ZIC2: variants seen among roughly 807,000 people sequenced by gnomAD.
ZIC2 encodes zinc finger protein ZIC 2.
In ZIC2, 7 loss-of-function variants were observed where a neutral mutation model predicts 29.5. That is an observed-to-expected ratio of 0.24 (90% CI 0.14 to 0.45). The LOEUF (loss-of-function observed/expected upper bound fraction) is 0.45. Ranked by LOEUF, ZIC2 falls within the 20% of genes least tolerant of loss-of-function variation. The pLI, the probability that ZIC2 is intolerant of heterozygous loss-of-function variation, is 1.00. For synonymous variants in ZIC2, 408 were observed against 354.2 expected (o/e 1.15, Z -1.70); for missense variants, 589 against 781.2 (o/e 0.75, Z 2.93).
Position 99,982,589 on chromosome 13 carries a change from C to T in ZIC2, c.525C>T (p.Leu175=), listed in dbSNP as rs1055955813. The T allele has an allele frequency of 1.9e-6, 3 of 1,574,744 alleles. No individual in the cohort carries two copies. In the African/African-American group the frequency reaches 4.0e-5, roughly 21 times the overall value. ...QHGPHGSQNV[L]NGQMRLGLPG... Reference sequence around the variant, plus strand: ...GGCCGCACGGCTCGCAGAATGTGCTCAACGGGCAGATGCGCCTCGGGCTGC... The same window carrying T: ...GGCCGCACGGCTCGCAGAATGTGCTTAACGGGCAGATGCGCCTCGGGCTGC... Residue 175 remains leucine, a synonymous_variant, in exon 1 of 3, where the codon CTC becomes CTT. Coordinates refer to ENST00000376335, the MANE Select transcript of ZIC2 (RefSeq NM_007129.5).
chr13:99,983,904 A>G lies in ZIC2; in HGVS notation c.1075+765A>G, dbSNP rs1193532971. 1.3e-5 allele frequency among the ~76,000 whole-genome samples: 2 copies of G among 152,204 alleles called. No individual in the cohort carries two copies. Among genetic ancestry groups the G allele is most frequent in the Non-Finnish European group, 2.9e-5 (2 of 68,034 alleles). ...CCTCATAGATTATTCATCTATGACC[A>G]GGTCTCAGCCAAAATCGTGCCAGAC... On this transcript the variant is annotated intron_variant, in intron 1 of 2. Transcript: ENST00000376335. The surrounding 1 kb of genome is among the most constrained non-coding windows in gnomAD (Gnocchi z 4.7).
Position 99,982,268 on chromosome 13 carries a change from G to C in ZIC2, c.204G>C (p.Glu68Asp). The C allele has an allele frequency of 1.3e-6, 2 of 1,501,610 alleles. No individual in the cohort carries two copies. The highest frequency in any genetic ancestry group is 1.8e-6 in the Non-Finnish European group (2 of 1,130,542). The allele number at this position is 1,501,610 out of a possible 1,614,324, so 93.0% of individuals were successfully genotyped here. A position where few individuals can be genotyped will look rare whatever the true frequency, so the allele number is the denominator to read the frequency against. The change falls in exon 1 of 3, where the codon GAG becomes GAC. Residue 68 changes from glutamate to aspartate, a missense_variant. Physicochemically the swap from Glu to Asp is conservative, Grantham distance 45. Transcript: ENST00000376335. ...GAFKLNPGAH[E>D]LSPGQSSAFT... The stretch of plus-strand genomic sequence containing the variant: ...TCAAGCTCAACCCGGGCGCGCACGA[G>C]CTGTCCCCGGGCCAGAGCTCGGCGT...
In ZIC2 at chr13:99,982,262, G is replaced by A. The variant is rs1391772533; in HGVS notation, c.198G>A (p.Ala66=). The A allele has an allele frequency of 1.3e-6, 2 of 1,505,252 alleles. No individual in the cohort carries two copies. The highest frequency in any genetic ancestry group is 8.8e-7 in the Non-Finnish European group (1 of 1,132,598). The allele number at this position is 1,505,252 out of a possible 1,614,324, so 93.2% of individuals were successfully genotyped here. The change falls in exon 1 of 3, where the codon GCG becomes GCA. Residue 66 remains alanine, a synonymous_variant. Transcript: ENST00000376335. ...GAGCCTTCAAGCTCAACCCGGGCGCGCACGAGCTGTCCCCGGGCCAGAGCT... is the reference window on the plus strand; with the variant it reads ...GAGCCTTCAAGCTCAACCCGGGCGCACACGAGCTGTCCCCGGGCCAGAGCT... ...HMGAFKLNPG[A]HELSPGQSSA... is the part of the protein sequence containing the mutation.
chr13:99,982,276 C>T lies in ZIC2; in HGVS notation c.212C>T (p.Pro71Leu). The T allele has an allele frequency of 2.0e-6, 3 of 1,495,184 alleles. No homozygotes were observed. The highest frequency in any genetic ancestry group is 2.7e-6 in the Non-Finnish European group (3 of 1,126,742). The allele number at this position is 1,495,184 out of a possible 1,614,324, so 92.6% of individuals were successfully genotyped here. The change falls in exon 1 of 3, where the codon CCG (proline) becomes CTG (leucine). Residue 71 changes from proline to leucine, a missense_variant. By Grantham distance (98) the Pro-to-Leu change is moderately conservative. Transcript: ENST00000376335. ...KLNPGAHELS[P>L]GQSSAFTSQG... ...AACCCGGGCGCGCACGAGCTGTCCCCGGGCCAGAGCTCGGCGTTCACGTCG... is the reference window on the plus strand; with the variant it reads ...AACCCGGGCGCGCACGAGCTGTCCCTGGGCCAGAGCTCGGCGTTCACGTCG...
rs757712884 is a variant in ZIC2, at chr13:99,985,140, G to T, written c.1239+31G>T. ...ACCGCGGCGGCCGGGAGGAGGGCGA[G>T]GCAGGCCGAGGCGCCGGTGCAGCAC... On this transcript the variant is annotated intron_variant, in intron 2 of 2. Transcript: ENST00000376335. The surrounding 1 kb of genome is among the most constrained non-coding windows in gnomAD (Gnocchi z 6.3). 1 of 1,613,342 alleles carries T rather than the reference G, an allele frequency of 6.2e-7. No individual in the cohort carries two copies. Among genetic ancestry groups the T allele is most frequent in the South Asian group, 1.1e-5 (1 of 91,060 alleles).
rs1208873148 is a variant in ZIC2 at position 99,984,961 on chromosome 13, A to G, written c.1091A>G (p.Gln364Arg). The stretch of plus-strand genomic sequence containing the variant: ...CCGTCCACAGGGGAGAAGCCGTTCC[A>G]GTGTGAGTTTGAGGGCTGCGACCGG... ...KRTHTGEKPF[Q>R]CEFEGCDRRF... Residue 364 changes from glutamine (Q) to arginine (R), a missense_variant, in exon 2 of 3, where the codon CAG becomes CGG. Gln to Arg is a conservative substitution (Grantham distance 43). This residue lies in a region of ZIC2 where 33 missense variants were observed against 106.0 expected (regional missense o/e 0.31). Coordinates refer to ENST00000376335, the MANE Select transcript of ZIC2 (RefSeq NM_007129.5). 1.2e-6 allele frequency: 2 copies of G among 1,613,932 alleles called. No homozygotes were observed. The highest frequency in any genetic ancestry group is 1.7e-6 in the Non-Finnish European group (2 of 1,179,962).
chr13:99,981,883 C>G lies in ZIC2; in HGVS notation c.-182C>G, dbSNP rs1228078695. 4 of 1,210,950 alleles carry G rather than the reference C, an allele frequency of 3.3e-6. No individual in the cohort carries two copies. The highest frequency in any genetic ancestry group is 3.2e-6 in the Non-Finnish European group (3 of 935,344). The allele number at this position is 1,210,950 out of a possible 1,614,324, so 75.0% of individuals were successfully genotyped here. A position where few individuals can be genotyped will look rare whatever the true frequency, so the allele number is the denominator to read the frequency against. The stretch of plus-strand genomic sequence containing the variant: ...TCGCTACGCGCCCGGCCGCCCGAGG[C>G]AGATCCAGGCGGCGGCGGAGGCGGC... On this transcript the variant is annotated 5_prime_UTR_variant, in exon 1 of 3. Coordinates refer to ENST00000376335, the MANE Select transcript of ZIC2 (RefSeq NM_007129.5).
chr13:99,985,199 C>A lies in ZIC2; in HGVS notation c.1239+90C>A. The A allele has an allele frequency of 1.2e-6, 2 of 1,606,304 alleles. No homozygotes were observed. Among genetic ancestry groups the A allele is most frequent in the Non-Finnish European group, 1.7e-6 (2 of 1,175,780 alleles). On this transcript the variant is annotated intron_variant, in intron 2 of 2. Transcript: ENST00000376335. This position sits in a 1 kb window ranked among gnomAD's most constrained non-coding sequence, Gnocchi z 6.3. ...ACCACCTCAGCCGGCCTGGGAGGGTCCCCAGGGGCCAGGGCGGCGGGGGGA... is the reference window on the plus strand; with the variant it reads ...ACCACCTCAGCCGGCCTGGGAGGGTACCCAGGGGCCAGGGCGGCGGGGGGA...
Position 99,985,457 on chromosome 13 carries a change from G to GGCA in ZIC2, c.1377_1379dup (p.Ala470dup). 7.2e-7 allele frequency: 1 copy of GGCA among 1,386,428 alleles called. No individual in the cohort carries two copies. 85.9% of individuals were successfully genotyped at this position (1,386,428 alleles called of 1,614,324 possible). The stretch of plus-strand genomic sequence containing the variant: ...GCTCCAACCTGTCCCCAGCGGCGGC[G>GGCA]GCAGCGGCGGCGGCGGCTGCGGCGG... On this transcript the variant is annotated inframe_insertion, in exon 3 of 3. Transcript: ENST00000376335. The surrounding 1 kb of genome is among the most constrained non-coding windows in gnomAD (Gnocchi z 6.3).
In ZIC2 at chr13:99,982,012, GT is replaced by G. The variant is rs2053235589; in HGVS notation, c.-52del. On this transcript the variant is annotated 5_prime_UTR_variant, in exon 1 of 3. Coordinates refer to ENST00000376335, the MANE Select transcript of ZIC2 (RefSeq NM_007129.5). ...CGCACCGCGCGGATCGGGAGCGGGAGTCGAGGCGGCGCGGAGGCGCAGGGCT... is the reference window on the plus strand; with the variant it reads ...CGCACCGCGCGGATCGGGAGCGGGAGCGAGGCGGCGCGGAGGCGCAGGGCT... The G allele has an allele frequency of 2.5e-6, 3 of 1,212,576 alleles. No homozygotes were observed. Among genetic ancestry groups the G allele is most frequent in the Non-Finnish European group, 3.1e-6 (3 of 977,250 alleles). 75.1% of individuals were successfully genotyped at this position (1,212,576 alleles called of 1,614,324 possible).
Position 99,983,697 on chromosome 13 carries a change from C to T in ZIC2, c.1075+558C>T, listed in dbSNP as rs2053248018. ...TTTTAAAGCCCGTCTCGGGGTGGGTCGCGGGGGCTTTACTGTGGTTTCGCA... is the reference window on the plus strand; with the variant it reads ...TTTTAAAGCCCGTCTCGGGGTGGGTTGCGGGGGCTTTACTGTGGTTTCGCA... On this transcript the variant is annotated intron_variant, in intron 1 of 2. Transcript: ENST00000376335. This position sits in a 1 kb window ranked among gnomAD's most constrained non-coding sequence, Gnocchi z 4.7. Among the ~76,000 whole-genome samples, 1 of 152,046 alleles carries T rather than the reference C, an allele frequency of 6.6e-6. No homozygotes were observed. The highest frequency in any genetic ancestry group is 1.5e-5 in the Non-Finnish European group (1 of 68,014).
In ZIC2 at chr13:99,985,217, C is replaced by T. The variant is rs1038743512; in HGVS notation, c.1240-106C>T. 3.7e-6 allele frequency: 6 copies of T among 1,602,384 alleles called. No homozygotes were observed. The highest frequency in any genetic ancestry group is 1.7e-5 in the Admixed American group (1 of 59,010). ...GGAGGGTCCCCAGGGGCCAGGGCGG[C>T]GGGGGGAACATTTCTGGGGGTGCTC... is the stretch of plus-strand genomic sequence containing the variant. On this transcript the variant is annotated intron_variant, in intron 2 of 2. Transcript: ENST00000376335. This position sits in a 1 kb window ranked among gnomAD's most constrained non-coding sequence, Gnocchi z 6.3.
rs2053254888 is a variant in ZIC2, at chr13:99,984,800, C to T, written c.1076-146C>T. On this transcript the variant is annotated intron_variant, in intron 1 of 2. Transcript: ENST00000376335. ...GAAGGCGGTTAATTTGATCTTAGTTCTGCCGCAGAGGGGATCGGACTGGTT... is the reference window on the plus strand; with the variant it reads ...GAAGGCGGTTAATTTGATCTTAGTTTTGCCGCAGAGGGGATCGGACTGGTT... 1.1e-5 allele frequency: 10 copies of T among 873,988 alleles called. No homozygotes were observed. In the South Asian group the frequency reaches 1.5e-4, roughly 13 times the overall value. 54.1% of individuals were successfully genotyped at this position (873,988 alleles called of 1,614,324 possible).
chr13:99,981,882 G>A lies in ZIC2; in HGVS notation c.-183G>A. The A allele has an allele frequency of 2.5e-6, 3 of 1,204,836 alleles. No individual in the cohort carries two copies. Among genetic ancestry groups the A allele is most frequent in the Non-Finnish European group, 3.2e-6 (3 of 929,932 alleles). The allele number at this position is 1,204,836 out of a possible 1,614,324, so 74.6% of individuals were successfully genotyped here. ...TTCGCTACGCGCCCGGCCGCCCGAG[G>A]CAGATCCAGGCGGCGGCGGAGGCGG... On this transcript the variant is annotated 5_prime_UTR_variant, in exon 1 of 3. Transcript: ENST00000376335.
In ZIC2 at chr13:99,982,585, T is replaced by C. The variant is rs761882984; in HGVS notation, c.521T>C (p.Val174Ala). ...EQHGPHGSQN[V>A]LNGQMRLGLP... ...CACGGGCCGCACGGCTCGCAGAATG[T>C]GCTCAACGGGCAGATGCGCCTCGGG... Residue 174 changes from valine (V) to alanine (A), a missense_variant, in exon 1 of 3, where the codon GTG (valine) becomes GCG (alanine). Physicochemically the swap from Val to Ala is moderately conservative, Grantham distance 64 (BLOSUM62 0). Transcript: ENST00000376335. The C allele has an allele frequency of 6.4e-7, 1 of 1,572,346 alleles. No homozygotes were observed. Among genetic ancestry groups the C allele is most frequent in the South Asian group, 1.1e-5 (1 of 87,696 alleles).
At position 99,985,957 on chromosome 13, in the gene ZIC2, T is replaced by G. The variant is rs1196588363; in HGVS notation, c.*275T>G. On this transcript the variant is annotated 3_prime_UTR_variant, in exon 3 of 3. Transcript: ENST00000376335. This position sits in a 1 kb window ranked among gnomAD's most constrained non-coding sequence, Gnocchi z 6.3. ...AAAAAATAAAAACCCACAAAAATGTTGAACCAAACCTCCCTGCTAATCTCC... is the reference window on the plus strand; with the variant it reads ...AAAAAATAAAAACCCACAAAAATGTGGAACCAAACCTCCCTGCTAATCTCC... 1 of 400,828 alleles carries G rather than the reference T, an allele frequency of 2.5e-6. No homozygotes were observed. Among genetic ancestry groups the G allele is most frequent in the Non-Finnish European group, 4.8e-6 (1 of 209,042 alleles). The allele number at this position is 400,828 out of a possible 1,614,324, so 24.8% of individuals were successfully genotyped here.
rs2053240152 is a variant in ZIC2, at chr13:99,982,496, C to A, written c.432C>A (p.Gly144=). ...ACGGGCTGTTCGGGCCGGGCGCGGG[C>A]GGCCTGCACCACGCGCACTCGGACG... ...GQHGLFGPGA[G]GLHHAHSDAQ... The change falls in exon 1 of 3, where the codon GGC becomes GGA. Residue 144 remains glycine, a synonymous_variant. Coordinates refer to ENST00000376335, the MANE Select transcript of ZIC2 (RefSeq NM_007129.5). The A allele has an allele frequency of 1.4e-6, 2 of 1,474,736 alleles. No homozygotes were observed. The highest frequency in any genetic ancestry group is 1.4e-5 in the African/African-American group (1 of 69,448). The allele number at this position is 1,474,736 out of a possible 1,614,324, so 91.4% of individuals were successfully genotyped here.
At position 99,986,082 on chromosome 13, in the gene ZIC2, G is replaced by A. The variant is rs2053268175; in HGVS notation, c.*400G>A. 2.2e-6 allele frequency: 1 copy of A among 454,762 alleles called. No individual in the cohort carries two copies. The highest frequency in any genetic ancestry group is 2.0e-5 in the African/African-American group (1 of 49,930). 28.2% of individuals were successfully genotyped at this position (454,762 alleles called of 1,614,324 possible). A position where few individuals can be genotyped will look rare whatever the true frequency, so the allele number is the denominator to read the frequency against. On this transcript the variant is annotated 3_prime_UTR_variant, in exon 3 of 3. Coordinates refer to ENST00000376335, the MANE Select transcript of ZIC2 (RefSeq NM_007129.5). ...CCGAGGTGGTTTTAAAGGCTTTTTG[G>A]TGTATAGAAGTTTGTCCATTTGTAA...
chr13:99,985,378 A>G lies in ZIC2; in HGVS notation c.1295A>G (p.Tyr432Cys). The change falls in exon 3 of 3, where the codon TAT (tyrosine) becomes TGT (cysteine). Residue 432 changes from tyrosine (Y) to cysteine (C), a missense_variant. By Grantham distance (194) the Tyr-to-Cys change is radical. Around this residue, in one of 7 missense-constraint regions of ZIC2, gnomAD observed 36 missense variants for 72.9 expected, o/e 0.49. Transcript: ENST00000376335. This position sits in a 1 kb window ranked among gnomAD's most constrained non-coding sequence, Gnocchi z 6.3. ...TCCTCCCCGGCCGCCAGCTCCGGCT[A>G]TGAGTCGTCCACGCCCCCGGGGCTG... is the stretch of plus-strand genomic sequence containing the variant. ...SESSPAASSGYESSTPPGLVS... is the reference protein window; with the variant it reads ...SESSPAASSGCESSTPPGLVS... 1 of 1,597,692 alleles carries G rather than the reference A, an allele frequency of 6.3e-7. No homozygotes were observed. The highest frequency in any genetic ancestry group is 8.5e-7 in the Non-Finnish European group (1 of 1,179,222).
Sources: gnomAD v4.1 joint callset for allele counts (sites outside exome capture counted in the v4.1 genomes callset) on GRCh38, gnomAD v4.1.1 for gene constraint, gnomAD v4.1.1 regional missense constraint, Gnocchi (gnomAD v3.1) non-coding constraint, MANE v1.5 for transcripts, NCBI Gene and HGNC (gene_info 2026-07-23, HGNC 2026-07-21) for gene names.